PRKAR1A: variants seen among roughly 807,000 people sequenced by gnomAD.
The protein encoded by PRKAR1A is protein kinase cAMP-dependent type I regulatory subunit alpha.
A neutral mutation model predicts 52.0 loss-of-function variants in PRKAR1A; 3 were observed. The ratio of observed to expected loss-of-function variants is 0.06; its 90% confidence interval spans 0.03 to 0.15. PRKAR1A has a LOEUF of 0.15. Ranked by LOEUF, PRKAR1A falls within the 10% of genes least tolerant of loss-of-function variation. The pLI, the probability that PRKAR1A is intolerant of heterozygous loss-of-function variation, is 1.00. For missense variants in PRKAR1A, 240 were observed against 477.4 expected, an observed-to-expected ratio of 0.50 and a Z score of 4.63; for synonymous variants, 188 against 168.4, an observed-to-expected ratio of 1.12 and a Z score of -0.90.
the PRKAR1A span, among the ~76,000 whole-genome samples, chr17:68,438,327 T>C: frequency 1.3e-5 from 2 of 152,312 alleles, no homozygotes; most frequent in Non-Finnish European, 2.9e-5. Flanking sequence ...CCAGTTTTGC[T>C]CTGGAAACCC....
chr17:68,455,979 A>G, the PRKAR1A span, among the ~76,000 whole-genome samples: 4 of 152,326 alleles, frequency 2.6e-5, no homozygotes, highest in African/African-American at 9.6e-5. Context: ...CTATACCAGC[A>G]TTTTTATAAA....
At chr17:68,527,512 C>T (rs1161802092) in intron 7 of PRKAR1A, 1 of 283,072 alleles carries the variant, frequency 3.5e-6, no homozygotes, top group Non-Finnish European at 6.9e-6. Flanking sequence ...GGAAAAATAT[C>T]TTGAGTGATA....
At chr17:68,498,097 G>C in the PRKAR1A span, among the ~76,000 whole-genome samples, 1 of 152,102 alleles carries the variant, frequency 6.6e-6, no homozygotes, top group Non-Finnish European at 1.5e-5. Flanking sequence ...TAAGGGATTG[G>C]AAAGCAGTCC....
At chr17:68,539,120 A>G (rs1200141779) in intron 11 of PRKAR1A, among the ~76,000 whole-genome samples, 8 of 152,160 alleles carry the variant, frequency 5.3e-5, no homozygotes, top group Admixed American at 4.6e-4. Flanking sequence ...AAAATACCAT[A>G]TTATTAATCT....
chr17:68,487,802 A>G, the PRKAR1A span, among the ~76,000 whole-genome samples: 1 of 145,098 alleles, frequency 6.9e-6, no homozygotes, highest in East Asian at 2.0e-4. Flanking sequence ...CTCATCTCAG[A>G]CAAAAAAAAA....
the PRKAR1A span, among the ~76,000 whole-genome samples, chr17:68,489,232 AAAG>A: frequency 4.5e-4 from 12 of 26,562 alleles, no homozygotes; most frequent in Admixed American, 7.4e-4. Flanking sequence ...ATATATATGG[AAAG>A]TATATATATA....
At chr17:68,551,209 T>G in exon 12 of PRKAR1A, 53 of 1,043,692 alleles carry the variant, frequency 5.1e-5, no homozygotes, top group Non-Finnish European at 6.5e-5. Flanking sequence ...CACCAAGCTC[T>G]GTCTAAGGAC....
At chr17:68,487,563 G>A in the PRKAR1A span, among the ~76,000 whole-genome samples, 2 of 152,124 alleles carry the variant, frequency 1.3e-5, no homozygotes, top group African/African-American at 4.8e-5. Context: ...CACTTTGGGG[G>A]GCCAAGGCGG....
At chr17:68,521,088 C>CA (rs1261869911) in intron 2 of PRKAR1A, among the ~76,000 whole-genome samples, 1 of 151,838 alleles carries the variant, frequency 6.6e-6, no homozygotes, top group African/African-American at 2.4e-5. Flanking sequence ...GCTACAGGTG[C>CA]CTGCCACCAC....
At chr17:68,450,588 C>T in the PRKAR1A span, 16 of 1,162,882 alleles carry the variant, frequency 1.4e-5, no homozygotes, top group African/African-American at 4.7e-5. Context: ...ACAATACCCC[C>T]GGGACACGGG....
chr17:68,480,749 T>TATG, the PRKAR1A span, among the ~76,000 whole-genome samples: 1 of 152,148 alleles, frequency 6.6e-6, no homozygotes, highest in African/African-American at 2.4e-5. Flanking sequence ...GGGGATTCAT[T>TATG]ATGTTCCCCA....
the PRKAR1A span, among the ~76,000 whole-genome samples, chr17:68,454,271 T>G: frequency 6.6e-6 from 1 of 152,196 alleles, no homozygotes; most frequent in Non-Finnish European, 1.5e-5. Context: ...CTCACAGAAG[T>G]GTGCTTCTCT....
At chr17:68,508,740 T>C (rs375189093), upstream of PRKAR1A, among the ~76,000 whole-genome samples, 2 of 152,350 alleles carry the variant, frequency 1.3e-5, no homozygotes, top group East Asian at 1.9e-4. Flanking sequence ...ATATTTTTAC[T>C]TGGAACGCTT....
At chr17:68,499,670 A>C in the PRKAR1A span, among the ~76,000 whole-genome samples, 1 of 152,154 alleles carries the variant, frequency 6.6e-6, no homozygotes, top group Non-Finnish European at 1.5e-5. Context: ...TGGAATTTCT[A>C]CTACAATTTT....
the PRKAR1A span, among the ~76,000 whole-genome samples, chr17:68,502,506 T>C: frequency 1.3e-5 from 2 of 152,250 alleles, no homozygotes; most frequent in African/African-American, 4.8e-5. Flanking sequence ...ATCCCAGCAC[T>C]TTTGGAGGCT....
chr17:68,533,866 T>A (rs565162732), downstream of PRKAR1A, among the ~76,000 whole-genome samples: 4 of 152,220 alleles, frequency 2.6e-5, no homozygotes, highest in Non-Finnish European at 5.9e-5. Flanking sequence ...TAGCTGGGAC[T>A]ACAGATGTGT....
the PRKAR1A span, among the ~76,000 whole-genome samples, chr17:68,500,298 C>T: frequency 6.6e-6 from 1 of 152,152 alleles, no homozygotes; most frequent in Admixed American, 6.6e-5. Context: ...GGGGGCGGTT[C>T]CCCCATACTA....
the PRKAR1A span, chr17:68,428,314 A>G: frequency 6.5e-6 from 1 of 154,658 alleles, no homozygotes; most frequent in Admixed American, 6.4e-5. Context: ...CACTGCCTCA[A>G]CCTCTCCAGG....
the PRKAR1A span, chr17:68,426,326 C>A: frequency 1.5e-6 from 1 of 655,110 alleles, no homozygotes; most frequent in Non-Finnish European, 2.7e-6. Context: ...TAGGACAAGT[C>A]ATAATCCTCA....
Sources: allele counts gnomAD v4.1 joint callset (sites outside exome capture counted in the v4.1 genomes callset), GRCh38; gene constraint gnomAD v4.1.1; transcripts MANE v1.5; gene names NCBI Gene and HGNC (gene_info 2026-07-23, HGNC 2026-07-21).